ASPH: variants seen among roughly 807,000 people sequenced by gnomAD.
The protein encoded by ASPH is aspartate beta-hydroxylase.
ASPH carries 100 observed loss-of-function variants against 118.4 expected under a neutral mutation model. That is an observed-to-expected ratio of 0.84 (90% CI 0.72 to 1.00). ASPH has a LOEUF of 1.00. Ranked by LOEUF, ASPH falls within the 50% of genes least tolerant of loss-of-function variation. The probability of loss-of-function intolerance (pLI) is 0.00; values close to 1 mark genes in which losing one functional copy is unlikely to be tolerated. For missense variants in ASPH, 920 were observed against 919.5 expected (o/e 1.00, Z -0.01); for synonymous variants, 315 against 325.6 (o/e 0.97, Z 0.35).
intron 1 of ASPH, among the ~76,000 whole-genome samples, chr8:61,686,185 G>T (rs1830450941): frequency 6.6e-6 from 1 of 152,074 alleles, no homozygotes; most frequent in African/African-American, 2.4e-5. Flanking sequence ...TTTCTAATGT[G>T]ATCTATATAA....
At chr8:61,689,487 A>T (rs1831905910) in intron 1 of ASPH, among the ~76,000 whole-genome samples, 1 of 152,178 alleles carries the variant, frequency 6.6e-6, no homozygotes, top group African/African-American at 2.4e-5. Flanking sequence ...GATTAAAGAC[A>T]GATTATTCAA....
At chr8:61,526,173 G>T in intron 21 of ASPH, 61 bp from the exon 22 acceptor site, 1 of 1,591,554 alleles carries the variant, frequency 6.3e-7, no homozygotes, top group South Asian at 1.1e-5. Context: ...ACCTCATAAT[G>T]ACTCTTGTTT....
chr8:61,643,362 C>T (rs1347280381), intron 9 of ASPH, 24 bp downstream of exon 9: 1 of 1,591,940 alleles, frequency 6.3e-7, no homozygotes, highest in African/African-American at 1.3e-5. Flanking sequence ...TATTTTAAAT[C>T]TAATGAAAAT....
Position 61,576,834 on chromosome 8 carries a change from C to T in ASPH, c.1087G>A (p.Ala363Thr), listed in dbSNP as rs755000935. ...KRGKIEEAVNAFKELVRKYPQ... is the reference protein window; with the variant it reads ...KRGKIEEAVNTFKELVRKYPQ... ...TATTTGCGTACTAGTTCTTTAAATG[C>T]ATTCACTGCTTCCTCAATTTTTCCC... The change falls in exon 16 of 25, where the codon GCA becomes ACA. Residue 363 changes from alanine to threonine, a missense_variant. Coordinates refer to ENST00000379454, the MANE Select transcript of ASPH (RefSeq NM_004318.4). 2.5e-6 allele frequency: 4 copies of T among 1,608,012 alleles called. No homozygotes were observed. Among genetic ancestry groups the T allele is most frequent in the Non-Finnish European group, 2.5e-6 (3 of 1,176,640 alleles).
intron 15 of ASPH, among the ~76,000 whole-genome samples, chr8:61,580,605 C>A (rs1229780873): frequency 1.3e-5 from 2 of 152,216 alleles, no homozygotes; most frequent in Non-Finnish European, 2.9e-5. Context: ...AAGATGGTGG[C>A]AGGGCTGTGC....
chr8:61,559,562 G>A (rs1000971334), intron 18 of ASPH, among the ~76,000 whole-genome samples: 37 of 152,036 alleles, frequency 2.4e-4, no homozygotes, highest in African/African-American at 8.0e-4. Flanking sequence ...AACTCTTTGC[G>A]TGATACATTC....
At chr8:61,691,676 T>C (rs546214602) in intron 1 of ASPH, among the ~76,000 whole-genome samples, 1 of 152,276 alleles carries the variant, frequency 6.6e-6, no homozygotes, top group East Asian at 1.9e-4. Context: ...ACACCTGGAT[T>C]TGCTTCACGG....
intron 5 of ASPH, among the ~76,000 whole-genome samples, chr8:61,650,413 G>T (rs2151089992): frequency 6.6e-6 from 1 of 152,234 alleles, no homozygotes; most frequent in Middle Eastern, 3.4e-3. Flanking sequence ...AGAACATCCT[G>T]CCCACTCCAC....
intron 2 of ASPH, 145 bp from the exon 3 acceptor site, chr8:61,681,181 G>T: frequency 1.8e-6 from 1 of 551,554 alleles, no homozygotes; most frequent in Non-Finnish European, 3.0e-6. Context: ...GCAAAGCAGT[G>T]TCAAATGAAT....
intron 21 of ASPH, among the ~76,000 whole-genome samples, chr8:61,529,520 C>A (rs1816779797): frequency 6.6e-6 from 1 of 152,108 alleles, no homozygotes; most frequent in African/African-American, 2.4e-5. Flanking sequence ...AACCAGGGGC[C>A]TTTAGGGGCA....
At chr8:61,664,879 C>A (rs751761976) in intron 3 of ASPH, 1 of 1,000,858 alleles carries the variant, frequency 1.0e-6, no homozygotes. Flanking sequence ...ATTTAGCATA[C>A]TTGAAAAAGT....
chr8:61,578,246 C>G (rs1836019431), intron 15 of ASPH: 1 of 1,581,138 alleles, frequency 6.3e-7, no homozygotes, highest in African/African-American at 1.3e-5. Context: ...TCCAGAAGTC[C>G]TACAAGGTGT....
chr8:61,698,476 T>G (rs959337893), intron 1 of ASPH, among the ~76,000 whole-genome samples: 1 of 152,276 alleles, frequency 6.6e-6, no homozygotes, highest in African/African-American at 2.4e-5. Flanking sequence ...CACTGTCTCC[T>G]CTATTAATCT....
At chr8:61,517,234 C>T (rs1811239664) in intron 24 of ASPH, 1 of 327,270 alleles carries the variant, frequency 3.1e-6, no homozygotes, top group African/African-American at 2.1e-5. Context: ...TGCATGTTGG[C>T]TGACTCTGAA....
rs780917439 is a variant in ASPH, at chr8:61,548,426, T to G, written c.1627-218A>C. Among the ~76,000 whole-genome samples the G allele has an allele frequency of 3.3e-5, 5 of 152,168 alleles. No homozygotes were observed. The South Asian group carries it at 1.0e-3, about 31-fold the overall frequency. On this transcript the variant is annotated intron_variant, in intron 20 of 24. Coordinates refer to ENST00000379454, the MANE Select transcript of ASPH (RefSeq NM_004318.4). ...TTGTATAATGAACATGTACATTTTC[T>G]TTTCCCCCTTAGGCTGCAGTCTCTC...
chr8:61,503,942 A>T (rs1000466914), intron 24 of ASPH, among the ~76,000 whole-genome samples: 2 of 152,242 alleles, frequency 1.3e-5, no homozygotes, highest in Non-Finnish European at 2.9e-5. Flanking sequence ...TATGGAAGAA[A>T]GGAATCTGCT....
chr8:61,539,955 A>C (rs185363731), intron 21 of ASPH, among the ~76,000 whole-genome samples: 299 of 152,090 alleles, frequency 2.0e-3, no homozygotes, highest in African/African-American at 6.8e-3. Flanking sequence ...CATCTTTTCT[A>C]TTTTTACCCT....
Position 61,539,236 on chromosome 8 carries a change from A to G in ASPH, c.1764+8835T>C, listed in dbSNP as rs150558515. 6.1e-3 allele frequency among the ~76,000 whole-genome samples: 929 copies of G among 152,248 alleles called. 12 individuals carry two copies. The highest frequency in any genetic ancestry group is 0.02 in the African/African-American group (848 of 41,558). On this transcript the variant is annotated intron_variant, in intron 21 of 24. Transcript: ENST00000379454. ...AGACTGGGCGACAGAGTGAGACTCC[A>G]TCTCAAAATATATATATATTTAAAA...
At chr8:61,684,235 T>C (rs1829516140) in intron 1 of ASPH, 47 bp from the exon 2 acceptor site, 1 of 1,546,148 alleles carries the variant, frequency 6.5e-7, no homozygotes, top group Non-Finnish European at 8.8e-7. Context: ...AACATTTTAC[T>C]GAACACTTAT....
Sources: gnomAD v4.1 joint callset for allele counts (sites outside exome capture counted in the v4.1 genomes callset) on GRCh38, gnomAD v4.1.1 for gene constraint, MANE v1.5 for transcripts, NCBI Gene and HGNC (gene_info 2026-07-23, HGNC 2026-07-21) for gene names.